TNIK: variants seen among roughly 807,000 people sequenced by gnomAD.
The protein encoded by TNIK is TRAF2 and NCK interacting kinase.
In TNIK, 49 loss-of-function variants were observed where a neutral mutation model predicts 191.3. The observed-to-expected ratio is 0.26, with a 90% confidence interval of 0.20 to 0.32. The LOEUF is 0.32. Among genes scored for constraint, TNIK ranks in the 10% least tolerant of loss-of-function variants. TNIK has a pLI of 1.00. For synonymous variants in TNIK, 594 were observed against 600.9 expected (o/e 0.99, Z 0.17); for missense variants, 1,155 against 1,702.3 (o/e 0.68, Z 5.66).
intron 2 of TNIK, among the ~76,000 whole-genome samples, chr3:171,362,927 C>T (rs1321817283): frequency 6.6e-6 from 1 of 152,162 alleles, no homozygotes; most frequent in Non-Finnish European, 1.5e-5. Flanking sequence ...ACATCTTGTG[C>T]CCATTCAGGT....
At chr3:171,097,170 TTAAAAACTGTGA>T (rs1208869401) in intron 22 of TNIK, among the ~76,000 whole-genome samples, 5 of 152,150 alleles carry the variant, frequency 3.3e-5, no homozygotes, top group Non-Finnish European at 7.4e-5. Context: ...GGAAAGAATG[TTAAAAACTGTGA>T]TAAGAGAATC....
chr3:171,381,116 T>G (rs568981764), intron 1 of TNIK, among the ~76,000 whole-genome samples: 2 of 152,304 alleles, frequency 1.3e-5, no homozygotes, highest in East Asian at 3.9e-4. Context: ...ACATACAAAT[T>G]TATTTGCTTG....
chr3:171,087,618 C>T, intron 23 of TNIK, 112 bp from the exon 24 acceptor site: 1 of 1,140,630 alleles, frequency 8.8e-7, no homozygotes, highest in Non-Finnish European at 1.2e-6. Context: ...CCCACTAGGG[C>T]ATGAGAAGGT....
chr3:171,370,867 G>A (rs975440068), intron 1 of TNIK, among the ~76,000 whole-genome samples: 1 of 151,950 alleles, frequency 6.6e-6, no homozygotes, highest in Non-Finnish European at 1.5e-5. Flanking sequence ...ACATTCTTAG[G>A]AACAAATAAA....
chr3:171,436,349 T>A (rs758881125), intron 1 of TNIK, among the ~76,000 whole-genome samples: 1 of 152,252 alleles, frequency 6.6e-6, no homozygotes, highest in East Asian at 1.9e-4. Flanking sequence ...GCAAGAGTGA[T>A]GCTGATGTTG....
At chr3:171,239,439 C>A (rs1027135415) in intron 2 of TNIK, among the ~76,000 whole-genome samples, 122 of 152,352 alleles carry the variant, frequency 8.0e-4, no homozygotes, top group African/African-American at 2.7e-3. Context: ...TATTCTATAT[C>A]ACTGACACCA....
At chr3:171,333,584 G>GAAAAAAAAAAAAAAAA (rs562856294) in intron 2 of TNIK, among the ~76,000 whole-genome samples, 1 of 114,246 alleles carries the variant, frequency 8.8e-6, no homozygotes, top group Non-Finnish European at 1.8e-5. Context: ...CAAAAAGAAA[G>GAAAAAAAAAAAAAAAA]AAAAAAAAAA....
intron 10 of TNIK, among the ~76,000 whole-genome samples, chr3:171,163,449 A>C (rs1234649835): frequency 6.6e-6 from 1 of 152,200 alleles, no homozygotes; most frequent in African/African-American, 2.4e-5. Context: ...TGCTTTTCAC[A>C]CTAGCCATTA....
chr3:171,116,152 C>T (rs1227363645), intron 18 of TNIK, among the ~76,000 whole-genome samples: 1 of 152,178 alleles, frequency 6.6e-6, no homozygotes, highest in African/African-American at 2.4e-5. Flanking sequence ...TTTGGTAAAA[C>T]ATGAGTAGTT....
chr3:171,443,624 C>T (rs949346871), intron 1 of TNIK, among the ~76,000 whole-genome samples: 4 of 151,668 alleles, frequency 2.6e-5, no homozygotes, highest in Admixed American at 6.6e-5. Context: ...TGAGACCACG[C>T]TGGGCAACAT....
Position 171,123,577 on chromosome 3 carries a change from A to C in TNIK, c.2120+19T>G. ...GGGTAGGAGTTTCTTCTTTTACCAT[A>C]ACCACCTTCCTTTCTTACCTTGCTC... On this transcript the variant is annotated intron_variant, in intron 18 of 32. Coordinates refer to ENST00000436636, the MANE Select transcript of TNIK (RefSeq NM_015028.4). 6.6e-7 allele frequency: 1 copy of C among 1,522,468 alleles called. No homozygotes were observed. The highest frequency in any genetic ancestry group is 8.8e-7 in the Non-Finnish European group (1 of 1,133,526). 94.3% of individuals were successfully genotyped at this position (1,522,468 alleles called of 1,614,324 possible).
At chr3:171,369,411 TATA>T (rs1238547784) in intron 2 of TNIK, among the ~76,000 whole-genome samples, 2 of 152,180 alleles carry the variant, frequency 1.3e-5, no homozygotes, top group African/African-American at 4.8e-5. Flanking sequence ...CACAGTAATA[TATA>T]ATGAAGGGAA....
rs1208479590 is a variant in TNIK, at chr3:171,159,244, G to A, written c.1017-1580C>T. Among the ~76,000 whole-genome samples the A allele has an allele frequency of 6.6e-6, 1 of 151,944 alleles. No homozygotes were observed. The highest frequency in any genetic ancestry group is 1.5e-5 in the Non-Finnish European group (1 of 67,980). On this transcript the variant is annotated intron_variant, in intron 11 of 32. Transcript: ENST00000436636. This position sits in a 1 kb window ranked among gnomAD's most constrained non-coding sequence, Gnocchi z 4.1. ...AGCGTTTGGGGATAGAGGTCACGAA[G>A]CCTGTGGACAGATCTGACATGTGGA...
At position 171,325,535 on chromosome 3, in the gene TNIK, A is replaced by G. The variant is rs1755656781; in HGVS notation, c.123+44085T>C. On this transcript the variant is annotated intron_variant, in intron 2 of 32. Coordinates refer to ENST00000436636, the MANE Select transcript of TNIK (RefSeq NM_015028.4). ...TATAATTATCTGTTATCTGAAATTCAAATGTTCATTCTTAATTCTAAATTC... is the reference window on the plus strand; with the variant it reads ...TATAATTATCTGTTATCTGAAATTCGAATGTTCATTCTTAATTCTAAATTC... Among the ~76,000 whole-genome samples, 3 of 152,304 alleles carry G rather than the reference A, an allele frequency of 2.0e-5. No homozygotes were observed. The South Asian group carries it at 6.2e-4, about 32-fold the overall frequency.
At chr3:171,333,327 G>A (rs1263384697) in intron 2 of TNIK, among the ~76,000 whole-genome samples, 2 of 151,986 alleles carry the variant, frequency 1.3e-5, no homozygotes, top group African/African-American at 4.8e-5. Context: ...AGGCTGAGGT[G>A]GGCAGATCAC....
intron 2 of TNIK, among the ~76,000 whole-genome samples, chr3:171,329,444 T>C (rs138095756): frequency 1.8e-4 from 27 of 152,350 alleles, no homozygotes; most frequent in African/African-American, 5.8e-4. Flanking sequence ...CTGCAGATCT[T>C]TTCTAATGAG....
At chr3:171,154,816 G>A (rs1232611676) in intron 12 of TNIK, among the ~76,000 whole-genome samples, 1 of 152,210 alleles carries the variant, frequency 6.6e-6, no homozygotes, top group Admixed American at 6.5e-5. Flanking sequence ...GTTATAGGTT[G>A]TACTTCAACA....
chr3:171,120,979 C>T (rs1560143659), intron 18 of TNIK, among the ~76,000 whole-genome samples: 1 of 152,150 alleles, frequency 6.6e-6, no homozygotes, highest in South Asian at 2.1e-4. Flanking sequence ...CATGCAGCTT[C>T]AGTATATATT....
chr3:171,101,667 G>C, intron 21 of TNIK, 34 bp from the exon 22 acceptor site: 1 of 1,601,150 alleles, frequency 6.2e-7, no homozygotes, highest in East Asian at 2.2e-5. Flanking sequence ...CATATGAGTG[G>C]TAGATACGAC....
Sources: gnomAD v4.1 joint callset for allele counts (sites outside exome capture counted in the v4.1 genomes callset) on GRCh38, gnomAD v4.1.1 for gene constraint, Gnocchi (gnomAD v3.1) non-coding constraint, MANE v1.5 for transcripts, NCBI Gene and HGNC (gene_info 2026-07-23, HGNC 2026-07-21) for gene names.